Variants in IL23R observed in about 807,000 individuals in gnomAD.
IL23R encodes interleukin-23 receptor.
Under a neutral mutation model 56.9 loss-of-function variants are expected in IL23R, and 34 were observed. The ratio of observed to expected loss-of-function variants is 0.60; its 90% CI spans 0.45 to 0.80. The LOEUF is 0.80. Among genes scored for constraint, IL23R ranks in the 30% least tolerant of loss-of-function variants. The pLI is 0.00. For missense variants in IL23R, 635 were observed against 730.0 expected, an observed-to-expected ratio of 0.87 and a Z score of 1.50; for synonymous variants, 230 against 249.2, an observed-to-expected ratio of 0.92 and a Z score of 0.73.
intron 7 of IL23R, among the ~76,000 whole-genome samples, chr1:67,221,517 A>G (rs543703909): frequency 8.5e-5 from 13 of 152,306 alleles, no homozygotes; most frequent in South Asian, 8.3e-4. Flanking sequence ...GTTTAATTTT[A>G]TATTCATTTA....
intron 4 of IL23R, 70 bp from the exon 5 acceptor site, chr1:67,200,667 G>T: frequency 6.6e-7 from 1 of 1,509,564 alleles, no homozygotes; most frequent in Non-Finnish European, 9.2e-7. Context: ...TTACAGGTGT[G>T]AGCCACCATG....
At chr1:67,248,268 G>T (rs1652374903) in intron 9 of IL23R, among the ~76,000 whole-genome samples, 1 of 152,066 alleles carries the variant, frequency 6.6e-6, no homozygotes, top group Admixed American at 6.6e-5. Flanking sequence ...CATAGATTTG[G>T]TCTTTTCACA....
At chr1:67,139,804 G>T (rs1327887017) in intron 1 of IL23R, among the ~76,000 whole-genome samples, 1 of 152,176 alleles carries the variant, frequency 6.6e-6, no homozygotes, top group Admixed American at 6.5e-5. Flanking sequence ...AGCCTCTCCA[G>T]TAGCTGTCCT....
chr1:67,183,419 CAG>C (rs1465559223), intron 4 of IL23R, among the ~76,000 whole-genome samples: 1 of 152,166 alleles, frequency 6.6e-6, no homozygotes, highest in African/African-American at 2.4e-5. Flanking sequence ...TCTGTAATTC[CAG>C]CTGCTCAGGA....
chr1:67,144,614 C>T (rs2102526418), intron 1 of IL23R, among the ~76,000 whole-genome samples: 1 of 152,306 alleles, frequency 6.6e-6, no homozygotes, highest in Admixed American at 6.5e-5. Flanking sequence ...GATAAATTTT[C>T]ATTAATTCTA....
chr1:67,257,060 T>C (rs1652989257), intron 10 of IL23R, among the ~76,000 whole-genome samples: 1 of 152,132 alleles, frequency 6.6e-6, no homozygotes, highest in Admixed American at 6.6e-5. Context: ...GCAAGCTCCC[T>C]AAGGAGGCTG....
intron 3 of IL23R, among the ~76,000 whole-genome samples, chr1:67,174,159 G>A (rs1558226150): frequency 6.6e-6 from 1 of 151,972 alleles, no homozygotes; most frequent in Non-Finnish European, 1.5e-5. Context: ...ATTTCAATAA[G>A]GATGCATTCT....
chr1:67,185,434 TG>T (rs1647272273), intron 4 of IL23R, among the ~76,000 whole-genome samples: 1 of 152,178 alleles, frequency 6.6e-6, no homozygotes, highest in Non-Finnish European at 1.5e-5. Flanking sequence ...GTTTTTGTTT[TG>T]TTTTGTTTTC....
intron 9 of IL23R, among the ~76,000 whole-genome samples, chr1:67,245,737 C>T (rs1016507413): frequency 6.6e-6 from 1 of 152,076 alleles, no homozygotes; most frequent in African/African-American, 2.4e-5. Flanking sequence ...ATTTTCACAT[C>T]GATGTTTATC....
intron 4 of IL23R, among the ~76,000 whole-genome samples, chr1:67,194,203 C>T (rs894681459): frequency 6.6e-6 from 1 of 152,052 alleles, no homozygotes; most frequent in Non-Finnish European, 1.5e-5. Flanking sequence ...GGCTTCATTA[C>T]ATAAGCACGG....
rs1652918498 is a variant in IL23R, at chr1:67,255,869, A to C, written c.1181A>C (p.Lys394Thr). ...AGAAGGATCTTATTGTTAATACCAA[A>C]GTGGCTTTATGAAGATATTCCTAAT... ...IKRRILLLIP[K>T]WLYEDIPNMK... The change falls in exon 10 of 11, where the codon AAG (lysine) becomes ACG (threonine). Residue 394 changes from lysine to threonine, a missense_variant. Physicochemically the swap from Lys to Thr is moderately conservative, Grantham distance 78. Coordinates refer to ENST00000347310, the MANE Select transcript of IL23R (RefSeq NM_144701.3). 2 of 1,595,710 alleles carry C rather than the reference A, an allele frequency of 1.3e-6. No homozygotes were observed. The highest frequency in any genetic ancestry group is 1.7e-6 in the Non-Finnish European group (2 of 1,163,410).
chr1:67,163,496 A>AAAG (rs1553281881), upstream of IL23R, among the ~76,000 whole-genome samples: 113 of 142,898 alleles, frequency 7.9e-4, 4 homozygotes, highest in Middle Eastern at 3.6e-3. Flanking sequence ...AAAAAAAAAA[A>AAAG]AAGACAGAAA....
intron 9 of IL23R, among the ~76,000 whole-genome samples, chr1:67,248,556 A>G (rs1317788298): frequency 6.6e-6 from 1 of 152,172 alleles, no homozygotes; most frequent in African/African-American, 2.4e-5. Flanking sequence ...GGGTTAGAAC[A>G]TGCTGCTTTA....
chr1:67,258,559 T>C lies in IL23R; in HGVS notation c.1321T>C (p.Phe441Leu). 6.2e-7 allele frequency: 1 copy of C among 1,609,804 alleles called. No homozygotes were observed. Among genetic ancestry groups the C allele is most frequent in the South Asian group, 1.1e-5 (1 of 90,120 alleles). The change falls in exon 11 of 11, where the codon TTC (phenylalanine) becomes CTC (leucine). Residue 441 changes from phenylalanine to leucine, a missense_variant. By Grantham distance (22) the Phe-to-Leu change is conservative. Coordinates refer to ENST00000347310, the MANE Select transcript of IL23R (RefSeq NM_144701.3). The part of the protein sequence containing the change: ...DPMITEIKEI[F>L]IPEHKPTDYK... ...CATGATTACAGAGATAAAAGAAATC[T>C]TCATCCCAGAACACAAGCCTACAGA...
At chr1:67,248,768 C>T (rs1343758651) in intron 9 of IL23R, among the ~76,000 whole-genome samples, 2 of 152,144 alleles carry the variant, frequency 1.3e-5, no homozygotes, top group African/African-American at 2.4e-5. Flanking sequence ...TTGCTGGGCT[C>T]TGTGGGGGTG....
chr1:67,227,180 A>T (rs896204583), intron 7 of IL23R, among the ~76,000 whole-genome samples: 10 of 152,272 alleles, frequency 6.6e-5, no homozygotes, highest in African/African-American at 2.2e-4. Flanking sequence ...CTGAAAATGT[A>T]TAAGTCAGTA....
At chr1:67,157,555 C>T (rs1646779998) in intron 1 of IL23R, among the ~76,000 whole-genome samples, 1 of 152,218 alleles carries the variant, frequency 6.6e-6, no homozygotes, top group Non-Finnish European at 1.5e-5. Flanking sequence ...CTACTGTTCT[C>T]CTCTTGCTCT....
At chr1:67,239,882 G>A (rs1651742016) in intron 8 of IL23R, among the ~76,000 whole-genome samples, 1 of 152,146 alleles carries the variant, frequency 6.6e-6, no homozygotes, top group African/African-American at 2.4e-5. Flanking sequence ...TCACCACTAA[G>A]AATTTATACG....
Position 67,245,126 on chromosome 1 carries a change from C to T in IL23R, c.1148+4845C>T, listed in dbSNP as rs545483456. ...TGGCTCACTGTTTGCCTGTTATTGG[C>T]GTATAGGAATGCTTCTGATTTTTGC... On this transcript the variant is annotated intron_variant, in intron 9 of 10. Coordinates refer to ENST00000347310, the MANE Select transcript of IL23R (RefSeq NM_144701.3). Among the ~76,000 whole-genome samples the T allele has an allele frequency of 1.2e-4, 18 of 152,054 alleles. No individual in the cohort carries two copies. In the South Asian group the frequency reaches 3.1e-3, roughly 26 times the overall value.
Sources: allele counts gnomAD v4.1 joint callset (sites outside exome capture counted in the v4.1 genomes callset), GRCh38; gene constraint gnomAD v4.1.1; transcripts MANE v1.5; gene names NCBI Gene and HGNC (gene_info 2026-07-23, HGNC 2026-07-21).